The following SLC35A3 variants were observed in gnomAD, a reference collection of about 807,000 sequenced individuals.
SLC35A3 encodes UDP-N-acetylglucosamine transporter.
Under a neutral mutation model 39.0 loss-of-function variants are expected in SLC35A3, and 26 were observed. The observed-to-expected ratio is 0.67, with a 90% confidence interval of 0.49 to 0.92. The LOEUF is 0.92. Ranked by LOEUF, SLC35A3 falls within the 40% of genes least tolerant of loss-of-function variation. SLC35A3 has a pLI of 0.00. For missense variants in SLC35A3, 299 were observed against 371.6 expected (o/e 0.80, Z 1.61); for synonymous variants, 135 against 133.1 (o/e 1.01, Z -0.10).
At position 100,019,192 on chromosome 1, in the gene SLC35A3, C is replaced by G. The variant is rs1487939046; in HGVS notation, c.887+1377C>G. Among the ~76,000 whole-genome samples, 6 of 149,890 alleles carry G rather than the reference C, an allele frequency of 4.0e-5. No homozygotes were observed. In the South Asian group the frequency reaches 8.4e-4, roughly 21 times the overall value. On this transcript the variant is annotated intron_variant, in intron 7 of 7. Transcript: ENST00000533028. ...TTTTAAATTGAACCTTATGTAAGGCCGAGGTAATTAAATCTTTGAATTATG... is the reference window on the plus strand; with the variant it reads ...TTTTAAATTGAACCTTATGTAAGGCGGAGGTAATTAAATCTTTGAATTATG...
chr1:100,015,750 A>G (rs1035316601), intron 6 of SLC35A3: 10 of 256,774 alleles, frequency 3.9e-5, no homozygotes, highest in African/African-American at 1.5e-4. Context: ...GTCAGCCATT[A>G]AGACCCAGGA....
At chr1:99,980,518 T>C (rs1052284892) in intron 1 of SLC35A3, among the ~76,000 whole-genome samples, 14 of 152,248 alleles carry the variant, frequency 9.2e-5, no homozygotes, top group Non-Finnish European at 1.6e-4. Flanking sequence ...TTTATATTTG[T>C]ATAGGTAAAG....
chr1:99,997,789 A>G (rs1472185804), intron 2 of SLC35A3, among the ~76,000 whole-genome samples: 2 of 152,040 alleles, frequency 1.3e-5, no homozygotes, highest in East Asian at 3.9e-4. Context: ...GAATCCTGCT[A>G]TCTCTTTGAT....
chr1:100,019,113 T>C (rs1660355614), intron 7 of SLC35A3, among the ~76,000 whole-genome samples: 1 of 152,188 alleles, frequency 6.6e-6, no homozygotes, highest in Non-Finnish European at 1.5e-5. Context: ...TTTGAGAATG[T>C]TTGCACCTTG....
At position 100,033,820 on chromosome 1, in the gene SLC35A3, A is replaced by C. The variant is rs1413666313; in HGVS notation, c.*11344A>C. On this transcript the variant is annotated 3_prime_UTR_variant, in exon 8 of 8. Coordinates refer to ENST00000533028, the MANE Select transcript of SLC35A3 (RefSeq NM_012243.3). ...ATCCTAATCCCCACCTTTGTAATAA[A>C]ATTAATTAAAATTTTAAAAAAGTAT... is the stretch of plus-strand genomic sequence containing the variant. The C allele has an allele frequency of 6.6e-6, 1 of 152,158 alleles. No individual in the cohort carries two copies. The highest frequency in any genetic ancestry group is 1.5e-5 in the Non-Finnish European group (1 of 68,020). 9.4% of individuals were successfully genotyped at this position (152,158 alleles called of 1,614,324 possible).
At chr1:99,996,263 A>G (rs1320757728) in intron 2 of SLC35A3, among the ~76,000 whole-genome samples, 1 of 152,196 alleles carries the variant, frequency 6.6e-6, no homozygotes, top group African/African-American at 2.4e-5. Flanking sequence ...CAAGTCAAGT[A>G]AGAAGGCAAG....
chr1:100,006,999 AC>A, intron 3 of SLC35A3, 34 bp from the exon 4 acceptor site: 1 of 1,564,372 alleles, frequency 6.4e-7, no homozygotes, highest in Non-Finnish European at 8.7e-7. Flanking sequence ...AAACAAACAA[AC>A]GAACATTAAT....
intron 1 of SLC35A3, among the ~76,000 whole-genome samples, chr1:99,987,886 G>A (rs1329625878): frequency 6.6e-6 from 1 of 152,122 alleles, no homozygotes; most frequent in African/African-American, 2.4e-5. Flanking sequence ...AATGTCCTTA[G>A]AATTAATCCA....
At chr1:99,996,787 C>A (rs1462448203) in intron 2 of SLC35A3, among the ~76,000 whole-genome samples, 1 of 151,880 alleles carries the variant, frequency 6.6e-6, no homozygotes, top group Admixed American at 6.6e-5. Context: ...CTTTTGGTAA[C>A]TTTTATCTTA....
chr1:100,018,208 G>A (rs1319836706), intron 7 of SLC35A3, among the ~76,000 whole-genome samples: 1 of 152,174 alleles, frequency 6.6e-6, no homozygotes, highest in African/African-American at 2.4e-5. Context: ...ACTCAATTAG[G>A]TGGTAGCAGG....
chr1:99,975,933 G>A (rs545993077), intron 1 of SLC35A3, among the ~76,000 whole-genome samples: 11 of 152,198 alleles, frequency 7.2e-5, no homozygotes, highest in African/African-American at 2.6e-4. Context: ...GGTAGCATGC[G>A]GTTGTAGGTC....
At chr1:100,014,236 T>A (rs1245126520) in intron 5 of SLC35A3, among the ~76,000 whole-genome samples, 3 of 152,144 alleles carry the variant, frequency 2.0e-5, no homozygotes, top group Non-Finnish European at 2.9e-5. Context: ...TTATTTATTT[T>A]TTTAGAGACA....
Position 100,014,761 on chromosome 1 carries a change from T to C in SLC35A3, c.635-541T>C, listed in dbSNP as rs371016751. On this transcript the variant is annotated intron_variant, in intron 5 of 7. Transcript: ENST00000533028. The stretch of plus-strand genomic sequence containing the variant: ...GTAATGTATGTTATTTTTTGTATTC[T>C]ATGTCTTTGTCTTTTTACATTTATA... Among the ~76,000 whole-genome samples the C allele has an allele frequency of 2.6e-5, 4 of 152,362 alleles. No individual in the cohort carries two copies. The East Asian group carries it at 5.8e-4, about 22-fold the overall frequency.
chr1:100,010,137 T>A (rs1659526404), intron 4 of SLC35A3, among the ~76,000 whole-genome samples: 1 of 152,108 alleles, frequency 6.6e-6, no homozygotes, highest in South Asian at 2.1e-4. Context: ...GCGATGACCC[T>A]ATTGAGGGTG....
chr1:99,971,055 C>A (rs928211616), intron 1 of SLC35A3, among the ~76,000 whole-genome samples: 1 of 152,170 alleles, frequency 6.6e-6, no homozygotes, highest in Non-Finnish European at 1.5e-5. Context: ...GCAATAACTT[C>A]CAAACTGGAC....
At chr1:99,981,723 C>T (rs182239374) in intron 1 of SLC35A3, among the ~76,000 whole-genome samples, 150 of 152,036 alleles carry the variant, frequency 9.9e-4, no homozygotes, top group Middle Eastern at 3.4e-3. Context: ...TCAAGTGATC[C>T]GCTCACCTCA....
Position 100,017,412 on chromosome 1 carries a change from T to C in SLC35A3, c.754-270T>C, listed in dbSNP as rs192149259. 2.3e-4 allele frequency among the ~76,000 whole-genome samples: 35 copies of C among 152,352 alleles called. 1 individual carries two copies. The East Asian group carries it at 5.6e-3, about 24-fold the overall frequency. On this transcript the variant is annotated intron_variant, in intron 6 of 7. Coordinates refer to ENST00000533028, the MANE Select transcript of SLC35A3 (RefSeq NM_012243.3). ...GTTTAATTACTAAATTGGATAATGATAGACATTTTATTTGTAATATGGTCA... is the reference window on the plus strand; with the variant it reads ...GTTTAATTACTAAATTGGATAATGACAGACATTTTATTTGTAATATGGTCA...
Position 100,024,983 on chromosome 1 carries a change from A to G in SLC35A3, c.*2507A>G, listed in dbSNP as rs1660824787. 3.3e-6 allele frequency: 1 copy of G among 302,614 alleles called. No individual in the cohort carries two copies. The highest frequency in any genetic ancestry group is 6.0e-6 in the Non-Finnish European group (1 of 167,254). 18.7% of individuals were successfully genotyped at this position (302,614 alleles called of 1,614,324 possible). A position where few individuals can be genotyped will look rare whatever the true frequency, so the allele number is the denominator to read the frequency against. On this transcript the variant is annotated 3_prime_UTR_variant, in exon 8 of 8. Coordinates refer to ENST00000533028, the MANE Select transcript of SLC35A3 (RefSeq NM_012243.3). ...TAATAGTCTACAGATTGCAGGTCTC[A>G]TCAATTCCATCCAAAGTTTAAAAGC...
At chr1:99,995,155 T>TCTTTCTTTCTTTCTTA (rs1658326427) in intron 2 of SLC35A3, among the ~76,000 whole-genome samples, 1 of 141,528 alleles carries the variant, frequency 7.1e-6, no homozygotes, top group African/African-American at 2.6e-5. Flanking sequence ...TTTCTTTCTT[T>TCTTTCTTTCTTTCTTA]CTTTCTTTTT....
Sources: allele counts gnomAD v4.1 joint callset (sites outside exome capture counted in the v4.1 genomes callset), GRCh38; gene constraint gnomAD v4.1.1; transcripts MANE v1.5; gene names NCBI Gene and HGNC (gene_info 2026-07-23, HGNC 2026-07-21).